SYT14: variants seen among roughly 807,000 people sequenced by gnomAD.
SYT14 encodes the protein synaptotagmin-14.
Under a neutral mutation model 74.2 loss-of-function variants are expected in SYT14, and 32 were observed. The ratio of observed to expected loss-of-function variants is 0.43; its 90% CI spans 0.33 to 0.58. The LOEUF (loss-of-function observed/expected upper bound fraction) is 0.58. SYT14 is among the 20% of genes least tolerant of loss of function. The pLI, the probability that SYT14 is intolerant of heterozygous loss-of-function variation, is 0.05. For missense variants in SYT14, 791 were observed against 981.8 expected, an observed-to-expected ratio of 0.81 and a Z score of 2.60; for synonymous variants, 298 against 337.7, an observed-to-expected ratio of 0.88 and a Z score of 1.29.
At position 210,021,175 on chromosome 1, in the gene SYT14, T is replaced by C. The variant is rs1270682588; in HGVS notation, c.1233T>C (p.Tyr411=). Residue 411 remains tyrosine, a synonymous_variant, in exon 5 of 10, where the codon TAT becomes TAC. Coordinates refer to ENST00000637265, the Ensembl canonical transcript of SYT14. Reference sequence around the variant, plus strand: ...TGGCAGATTCTAGACAAAGGAACTATGCTTGGGAAACAAGGCAGAAATACA... The same window carrying C: ...TGGCAGATTCTAGACAAAGGAACTACGCTTGGGAAACAAGGCAGAAATACA... 8 of 1,613,956 alleles carry C rather than the reference T, an allele frequency of 5.0e-6. No homozygotes were observed. The East Asian group carries it at 1.1e-4, about 22-fold the overall frequency.
intron 5 of SYT14, among the ~76,000 whole-genome samples, chr1:210,058,648 A>C (rs992724822): frequency 9.2e-5 from 14 of 152,164 alleles, no homozygotes; most frequent in Non-Finnish European, 2.9e-5. Context: ...TGCGTAATTT[A>C]TGAAGAAACC....
chr1:210,110,267 A>T (rs532733335), intron 7 of SYT14, among the ~76,000 whole-genome samples: 29 of 152,214 alleles, frequency 1.9e-4, no homozygotes, highest in African/African-American at 6.7e-4. Flanking sequence ...AAAGTATAAT[A>T]AAAAAAATTT....
intron 7 of SYT14, among the ~76,000 whole-genome samples, chr1:210,144,457 C>T (rs1335427257): frequency 6.6e-6 from 1 of 152,068 alleles, no homozygotes; most frequent in African/African-American, 2.4e-5. Flanking sequence ...CTGTAACAGA[C>T]CCCCGTAAAT....
At position 210,052,666 on chromosome 1, in the gene SYT14, A is replaced by AAAAAAAAAG. The variant is rs1491278610; in HGVS notation, c.1312+31420_1312+31421insGAAAAAAAA. Among the ~76,000 whole-genome samples the AAAAAAAAAG allele has an allele frequency of 9.1e-3, 828 of 90,686 alleles. 68 individuals carry two copies. Among genetic ancestry groups the AAAAAAAAAG allele is most frequent in the African/African-American group, 0.047 (791 of 16,704 alleles). The allele number at this position is 90,686 out of a possible 152,430, so 59.5% of individuals were successfully genotyped here. A position where few individuals can be genotyped will look rare whatever the true frequency, so the allele number is the denominator to read the frequency against. ...AGCAAGAGCGAAACTACATCTCACCAAAAAAAAAAAAAAAAAAAGCTCTCC... is the reference window on the plus strand; with the variant it reads ...AGCAAGAGCGAAACTACATCTCACCAAAAAAAAAGAAAAAAAAAAAAAAAAAAGCTCTCC... On this transcript the variant is annotated intron_variant, in intron 5 of 9. Transcript: ENST00000637265.
chr1:210,167,542 C>T (rs1041930198), exon 10 of SYT14: 2 of 152,136 alleles, frequency 1.3e-5, no homozygotes, highest in African/African-American at 4.8e-5. Context: ...TTTGTATTAA[C>T]ACATTTTACA....
rs2081660635 is a variant in SYT14 at position 210,083,626 on chromosome 1, G to A, written c.1313-10696G>A. On this transcript the variant is annotated intron_variant, in intron 5 of 9. Transcript: ENST00000637265. ...ACTGTGTTGCCCAGGCTGGAGTGCA[G>A]TGGTGTGATCATGGCTCACTGCTAC... Among the ~76,000 whole-genome samples, 4 of 149,612 alleles carry A rather than the reference G, an allele frequency of 2.7e-5. No homozygotes were observed. In the South Asian group the frequency reaches 8.5e-4, roughly 32 times the overall value.
intron 6 of SYT14, among the ~76,000 whole-genome samples, chr1:210,099,707 A>C (rs1282135963): frequency 1.3e-5 from 2 of 152,208 alleles, no homozygotes; most frequent in South Asian, 4.1e-4. Flanking sequence ...AGATATACCC[A>C]CTAAAGGATA....
At chr1:209,951,744 T>C (rs777199634) in intron 1 of SYT14, among the ~76,000 whole-genome samples, 11 of 152,196 alleles carry the variant, frequency 7.2e-5, no homozygotes, top group Admixed American at 1.3e-4. Flanking sequence ...TATGCATATG[T>C]ATGCATGAAT....
intron 5 of SYT14, among the ~76,000 whole-genome samples, chr1:210,070,647 A>C (rs12094309): frequency 0.034 from 5,101 of 152,212 alleles, 596 homozygotes; most frequent in Admixed American, 0.23. Flanking sequence ...ATAGGTCTTA[A>C]AACAAATGCC....
At chr1:210,113,115 T>A (rs539658851) in intron 7 of SYT14, among the ~76,000 whole-genome samples, 1 of 151,472 alleles carries the variant, frequency 6.6e-6, no homozygotes, top group East Asian at 1.9e-4. Flanking sequence ...ACAAAAAGGC[T>A]ACAGGGCGTG....
intron 5 of SYT14, among the ~76,000 whole-genome samples, chr1:210,027,519 T>A (rs1386458824): frequency 3.3e-5 from 5 of 152,084 alleles, no homozygotes; most frequent in African/African-American, 1.2e-4. Flanking sequence ...TTGAGTAGGC[T>A]GAGGAGGAAG....
At chr1:210,042,556 A>G (rs1037819735) in intron 5 of SYT14, among the ~76,000 whole-genome samples, 1 of 152,122 alleles carries the variant, frequency 6.6e-6, no homozygotes, top group Admixed American at 6.5e-5. Context: ...AGGAAGGGAT[A>G]CAGTTTCAGT....
At chr1:210,025,538 T>C (rs920081529) in intron 5 of SYT14, among the ~76,000 whole-genome samples, 3 of 152,130 alleles carry the variant, frequency 2.0e-5, no homozygotes, top group African/African-American at 7.2e-5. Flanking sequence ...TAAGGAACCT[T>C]TAGTGTATTT....
intron 2 of SYT14, among the ~76,000 whole-genome samples, chr1:209,958,585 C>G (rs1050975988): frequency 2.0e-5 from 3 of 151,986 alleles, no homozygotes; most frequent in African/African-American, 7.2e-5. Context: ...CTATAATGAT[C>G]TTGCATTTTT....
chr1:210,145,441 C>A (rs553688312), intron 7 of SYT14, among the ~76,000 whole-genome samples: 1 of 152,272 alleles, frequency 6.6e-6, no homozygotes, highest in East Asian at 1.9e-4. Context: ...TCATGTCTTT[C>A]ATGATTTATT....
At chr1:209,965,844 A>G (rs1375999367) in intron 2 of SYT14, 2 of 438,052 alleles carry the variant, frequency 4.6e-6, no homozygotes, top group Non-Finnish European at 9.0e-6. Flanking sequence ...TCAAATCAAT[A>G]GATTATATAT....
exon 10 of SYT14, chr1:210,162,643 T>C: frequency 2.3e-6 from 1 of 434,742 alleles, no homozygotes; most frequent in Non-Finnish European, 4.5e-6. Flanking sequence ...AACTAAGTAC[T>C]ATATATTATT....
chr1:210,158,615 A>G (rs1182804915), intron 8 of SYT14, among the ~76,000 whole-genome samples: 1 of 152,196 alleles, frequency 6.6e-6, no homozygotes, highest in African/African-American at 2.4e-5. Flanking sequence ...TAATAAACAG[A>G]TGACAAAAGA....
intron 1 of SYT14, among the ~76,000 whole-genome samples, chr1:209,945,379 T>C (rs2078806204): frequency 6.6e-6 from 1 of 152,182 alleles, no homozygotes; most frequent in Non-Finnish European, 1.5e-5. Flanking sequence ...CCAAAATTGG[T>C]ATTATTCCTT....
Sources: gnomAD v4.1 joint callset for allele counts (sites outside exome capture counted in the v4.1 genomes callset) on GRCh38, gnomAD v4.1.1 for gene constraint, MANE v1.5 for transcripts, NCBI Gene and HGNC (gene_info 2026-07-23, HGNC 2026-07-21) for gene names.